ZNF251: variants seen among roughly 807,000 people sequenced by gnomAD.
The protein encoded by ZNF251 is zinc finger protein 251.
Under a neutral mutation model 13.5 loss-of-function variants are expected in ZNF251, and 14 were observed. The ratio of observed to expected loss-of-function variants is 1.04; its 90% CI spans 0.69 to 1.63. The LOEUF (loss-of-function observed/expected upper bound fraction) is 1.63, where lower values mean the gene tolerates loss of function less well. ZNF251 is among the 40% of genes most tolerant of loss of function. The pLI, the probability that ZNF251 is intolerant of heterozygous loss-of-function variation, is 0.00. For synonymous variants in ZNF251, 287 were observed against 295.2 expected (o/e 0.97, Z 0.28); for missense variants, 764 against 834.9 (o/e 0.92, Z 1.05).
rs1180933229 is a variant in ZNF251 at position 144,734,178 on chromosome 8, C to T, written c.278-10796G>A. On this transcript the variant is annotated intron_variant, in intron 4 of 4. Coordinates refer to ENST00000292562, the MANE Select transcript of ZNF251 (RefSeq NM_138367.2). The surrounding 1 kb of genome is among the most constrained non-coding windows in gnomAD (Gnocchi z 4.4). Reference sequence around the variant, plus strand: ...ACCTGCCTGGTGTTTTCCTTTGTCCCAGCGCTGAGCCGAGCGGAGCTCCTG... The same window carrying T: ...ACCTGCCTGGTGTTTTCCTTTGTCCTAGCGCTGAGCCGAGCGGAGCTCCTG... 3.3e-5 allele frequency among the ~76,000 whole-genome samples: 5 copies of T among 152,324 alleles called. No individual in the cohort carries two copies. The highest frequency in any genetic ancestry group is 1.2e-4 in the African/African-American group (5 of 41,578).
chr8:144,741,372 TCA>T (rs1195823392), intron 4 of ZNF251, among the ~76,000 whole-genome samples: 2 of 150,884 alleles, frequency 1.3e-5, no homozygotes, highest in South Asian at 2.1e-4. Context: ...ATACACACAC[TCA>T]CACACACTCA....
chr8:144,755,307 G>T (rs1400196051), intron 1 of ZNF251, 98 bp downstream of exon 1: 1 of 1,270,050 alleles, frequency 7.9e-7, no homozygotes, highest in African/African-American at 1.6e-5. Flanking sequence ...CCCAGAACAG[G>T]CTCCTCCTGG....
intron 4 of ZNF251, among the ~76,000 whole-genome samples, chr8:144,745,405 A>ATAG (rs1824376104): frequency 6.6e-6 from 1 of 152,070 alleles, no homozygotes; most frequent in Non-Finnish European, 1.5e-5. Context: ...CTGTGGCTTT[A>ATAG]TAGTAAAAGT....
Position 144,723,244 on chromosome 8 carries a change from C to A in ZNF251, c.416G>T (p.Arg139Leu), listed in dbSNP as rs558675945. The A allele has an allele frequency of 5.6e-6, 9 of 1,613,382 alleles. No homozygotes were observed. Among genetic ancestry groups the A allele is most frequent in the Admixed American group, 3.3e-5 (2 of 59,816 alleles). Residue 139 changes from arginine (R) to leucine (L), a missense_variant, in exon 5 of 5, where the codon CGT becomes CTT. Physicochemically the swap from Arg to Leu is moderately radical, Grantham distance 102 (BLOSUM62 -2). Transcript: ENST00000292562. ...QAAEFREAWG[R>L]EGKLKERVGN... ...CACGCGCTCTTTGAGTTTGCCCTCA[C>A]GGCCCCATGCTTCCCGAAACTCAGC... is the stretch of plus-strand genomic sequence containing the variant.
Position 144,734,603 on chromosome 8 carries a change from C to A in ZNF251, c.278-11221G>T, listed in dbSNP as rs1823823365. On this transcript the variant is annotated intron_variant, in intron 4 of 4. Coordinates refer to ENST00000292562, the MANE Select transcript of ZNF251 (RefSeq NM_138367.2). This position sits in a 1 kb window ranked among gnomAD's most constrained non-coding sequence, Gnocchi z 4.4. ...GGTGCTGACCCTGGGTCAGTGACCT[C>A]CCACAGAGGTCACTGGGACACCCTG... 6.6e-6 allele frequency among the ~76,000 whole-genome samples: 1 copy of A among 152,136 alleles called. No homozygotes were observed.
chr8:144,739,826 G>A lies in ZNF251; in HGVS notation c.277+13857C>T, dbSNP rs184341735. Among the ~76,000 whole-genome samples the A allele has an allele frequency of 3.2e-3, 492 of 151,420 alleles. 2 individuals are homozygous for A. The highest frequency in any genetic ancestry group is 5.6e-3 in the Non-Finnish European group (383 of 67,788). On this transcript the variant is annotated intron_variant, in intron 4 of 4. Transcript: ENST00000292562. Reference sequence around the variant, plus strand: ...GGGAGGATCACTTGAACCTGGGAGGGTAAGGCTGCAGCGAGCCAAGATGGC... The same window carrying A: ...GGGAGGATCACTTGAACCTGGGAGGATAAGGCTGCAGCGAGCCAAGATGGC...
intron 4 of ZNF251, among the ~76,000 whole-genome samples, chr8:144,751,817 G>A (rs1357478100): frequency 6.6e-6 from 1 of 152,148 alleles, no homozygotes; most frequent in Non-Finnish European, 1.5e-5. Context: ...ATCTGCAAGA[G>A]ATTCACTTTA....
At chr8:144,753,078 G>A (rs1183724260) in intron 4 of ZNF251, among the ~76,000 whole-genome samples, 1 of 151,818 alleles carries the variant, frequency 6.6e-6, no homozygotes, top group African/African-American at 2.4e-5. Flanking sequence ...TTTAAGACCA[G>A]TTTGGGCAAC....
In ZNF251 at chr8:144,734,609, G is replaced by A. The variant is rs986944434; in HGVS notation, c.278-11227C>T. On this transcript the variant is annotated intron_variant, in intron 4 of 4. Coordinates refer to ENST00000292562, the MANE Select transcript of ZNF251 (RefSeq NM_138367.2). The surrounding 1 kb of genome is among the most constrained non-coding windows in gnomAD (Gnocchi z 4.4). ...GACCCTGGGTCAGTGACCTCCCACA[G>A]AGGTCACTGGGACACCCTGAAGAGG... Among the ~76,000 whole-genome samples the A allele has an allele frequency of 1.3e-5, 2 of 152,220 alleles. No homozygotes were observed. The highest frequency in any genetic ancestry group is 2.9e-5 in the Non-Finnish European group (2 of 68,042).
rs1823375326 is a variant in ZNF251 at position 144,721,708 on chromosome 8, A to G, written c.1952T>C (p.Leu651Ser). ...AAAGTATCTTTTAGAGCCATCATTTAAAGCAGGTTTCTCTCCAACACGAGT... is the reference window on the plus strand; with the variant it reads ...AAAGTATCTTTTAGAGCCATCATTTGAAGCAGGTTTCTCTCCAACACGAGT... Reference protein sequence around the residue: ...QQTRVGEKPALNDGSKRYFIH... With the variant: ...QQTRVGEKPASNDGSKRYFIH... The change falls in exon 5 of 5, where the codon TTA becomes TCA. Residue 651 changes from leucine to serine, a missense_variant. By Grantham distance (145) the Leu-to-Ser change is moderately radical (BLOSUM62 -2). Coordinates refer to ENST00000292562, the MANE Select transcript of ZNF251 (RefSeq NM_138367.2). The G allele has an allele frequency of 1.5e-6, 2 of 1,374,170 alleles. No individual in the cohort carries two copies. Among genetic ancestry groups the G allele is most frequent in the Non-Finnish European group, 1.9e-6 (2 of 1,055,704 alleles). The allele number at this position is 1,374,170 out of a possible 1,614,324, so 85.1% of individuals were successfully genotyped here. A position where few individuals can be genotyped will look rare whatever the true frequency, so the allele number is the denominator to read the frequency against.
chr8:144,738,401 C>A, intron 4 of ZNF251: 1 of 230,088 alleles, frequency 4.3e-6, no homozygotes, highest in Non-Finnish European at 7.2e-6. Context: ...GGACTCCAAT[C>A]CCCACCATGC....
chr8:144,754,149 A>G, intron 3 of ZNF251, 43 bp downstream of exon 3: 1 of 1,590,682 alleles, frequency 6.3e-7, no homozygotes, highest in Non-Finnish European at 8.6e-7. Context: ...CAAGCTCCTC[A>G]GAGGCCCCCA....
intron 4 of ZNF251, among the ~76,000 whole-genome samples, chr8:144,735,672 C>G (rs1157810822): frequency 6.6e-6 from 1 of 152,134 alleles, no homozygotes; most frequent in Non-Finnish European, 1.5e-5. Context: ...CAAGGTGTGG[C>G]CCAGACTCAA....
intron 4 of ZNF251, among the ~76,000 whole-genome samples, chr8:144,752,493 T>A (rs1824744213): frequency 6.6e-6 from 1 of 152,180 alleles, no homozygotes; most frequent in African/African-American, 2.4e-5. Context: ...GAACTAAATG[T>A]TAATGAAAAT....
chr8:144,755,300 A>G (rs1824908875), intron 1 of ZNF251, 105 bp downstream of exon 1: 2 of 1,245,852 alleles, frequency 1.6e-6, no homozygotes, highest in Non-Finnish European at 2.1e-6. Flanking sequence ...CGCGGCACCC[A>G]GAACAGGCTC....
chr8:144,730,011 G>A (rs1187798272), intron 4 of ZNF251: 1 of 983,990 alleles, frequency 1.0e-6, no homozygotes, highest in African/African-American at 1.7e-5. Flanking sequence ...TTGTTCCCAG[G>A]AGCGGGTGCC....
chr8:144,732,622 C>A (rs192572299), intron 4 of ZNF251, among the ~76,000 whole-genome samples: 5 of 151,230 alleles, frequency 3.3e-5, no homozygotes, highest in Non-Finnish European at 5.9e-5. Flanking sequence ...ACCATCCTGG[C>A]CAACACGGTG....
chr8:144,723,679 A>G (rs1344863426), intron 4 of ZNF251, among the ~76,000 whole-genome samples: 1 of 152,232 alleles, frequency 6.6e-6, no homozygotes, highest in East Asian at 1.9e-4. Context: ...GGTAAGGAAT[A>G]TACAGGAAGG....
Position 144,738,580 on chromosome 8 carries a change from T to A in ZNF251, c.277+15103A>T, listed in dbSNP as rs149425542. 2.6e-3 allele frequency: 2,525 copies of A among 985,370 alleles called. 3 individuals are homozygous for A. The highest frequency in any genetic ancestry group is 3.1e-3 in the Middle Eastern group (6 of 1,914). The allele number at this position is 985,370 out of a possible 1,614,324, so 61.0% of individuals were successfully genotyped here. On this transcript the variant is annotated intron_variant, in intron 4 of 4. Coordinates refer to ENST00000292562, the MANE Select transcript of ZNF251 (RefSeq NM_138367.2). The stretch of plus-strand genomic sequence containing the variant: ...CTCATGGTGTTGGAGGACCAATCAG[T>A]CAAATTGGCAGCCTCGTGATGCAAC...
Sources: gnomAD v4.1 joint callset for allele counts (sites outside exome capture counted in the v4.1 genomes callset) on GRCh38, gnomAD v4.1.1 for gene constraint, Gnocchi (gnomAD v3.1) non-coding constraint, MANE v1.5 for transcripts, NCBI Gene and HGNC (gene_info 2026-07-23, HGNC 2026-07-21) for gene names.